Variants in KIF21A observed in about 807,000 individuals in gnomAD.
The protein encoded by KIF21A is kinesin family member 21A, also known as kinesin-like protein KIF21A.
A neutral mutation model predicts 202.9 loss-of-function variants in KIF21A; 114 were observed. The observed-to-expected ratio is 0.56, with a 90% CI of 0.48 to 0.66. KIF21A has a LOEUF of 0.66. Among genes scored for constraint, KIF21A ranks in the 30% least tolerant of loss-of-function variants. The pLI, the probability that KIF21A is intolerant of heterozygous loss-of-function variation, is 0.00. For synonymous variants in KIF21A, 667 were observed against 670.8 expected, an observed-to-expected ratio of 0.99 and a Z score of 0.09; for missense variants, 1,677 against 1,994.9, an observed-to-expected ratio of 0.84 and a Z score of 3.04.
chr12:39,407,686 G>C (rs958138276), intron 1 of KIF21A, among the ~76,000 whole-genome samples: 2 of 152,074 alleles, frequency 1.3e-5, no homozygotes, highest in Admixed American at 1.3e-4. Context: ...CAATCTCTTA[G>C]AAAGTCCTAG....
Position 39,387,061 on chromosome 12 carries a change from G to GA in KIF21A, c.45-16801dup, listed in dbSNP as rs111513789. Reference sequence around the variant, plus strand: ...TTTAAATCCAGAATTTTTAGCTGGGGAAAAAAAAAAAACTATCTTCAGCCA... The same window carrying GA: ...TTTAAATCCAGAATTTTTAGCTGGGGAAAAAAAAAAAAACTATCTTCAGCCA... On this transcript the variant is annotated intron_variant, in intron 1 of 37. Coordinates refer to ENST00000361418, the MANE Select transcript of KIF21A (RefSeq NM_001173464.2). Among the ~76,000 whole-genome samples the GA allele has an allele frequency of 6.5e-3, 908 of 139,256 alleles. 9 individuals carry two copies. The highest frequency in any genetic ancestry group is 0.017 in the African/African-American group (653 of 38,238). The allele number at this position is 139,256 out of a possible 152,430, so 91.4% of individuals were successfully genotyped here. A position where few individuals can be genotyped will look rare whatever the true frequency, so the allele number is the denominator to read the frequency against.
chr12:39,327,072 C>T (rs968936968), intron 24 of KIF21A, among the ~76,000 whole-genome samples: 1 of 151,008 alleles, frequency 6.6e-6, no homozygotes, highest in African/African-American at 2.4e-5. Context: ...CCAGCGAGCC[C>T]CTAACATAGG....
rs370661423 is a variant in KIF21A, at chr12:39,356,820, C to T, written c.1469+12G>A. 19 of 1,093,010 alleles carry T rather than the reference C, an allele frequency of 1.7e-5. No individual in the cohort carries two copies. The East Asian group carries it at 2.6e-4, about 15-fold the overall frequency. 67.7% of individuals were successfully genotyped at this position (1,093,010 alleles called of 1,614,324 possible). Reference sequence around the variant, plus strand: ...AACATGTGCATTATATGTTACAGAACATGAACTATACCTGAGATCTTCGAT... The same window carrying T: ...AACATGTGCATTATATGTTACAGAATATGAACTATACCTGAGATCTTCGAT... On this transcript the variant is annotated intron_variant, in intron 10 of 37. Coordinates refer to ENST00000361418, the MANE Select transcript of KIF21A (RefSeq NM_001173464.2).
At chr12:39,418,527 A>G (rs1953974852) in intron 1 of KIF21A, among the ~76,000 whole-genome samples, 1 of 152,230 alleles carries the variant, frequency 6.6e-6, no homozygotes. Flanking sequence ...ACCCGGGCAC[A>G]TAAACATCCG....
At chr12:39,400,524 T>G (rs976256105) in intron 1 of KIF21A, among the ~76,000 whole-genome samples, 14 of 151,932 alleles carry the variant, frequency 9.2e-5, no homozygotes, top group African/African-American at 3.1e-4. Flanking sequence ...CACTTATGAG[T>G]GAGAACATAA....
At chr12:39,356,969 G>A (rs879035671) in intron 9 of KIF21A, 74 bp from the exon 10 acceptor site, 16 of 780,974 alleles carry the variant, frequency 2.0e-5, no homozygotes, top group African/African-American at 1.2e-4. Context: ...AAAAAAAGTC[G>A]GGAAACAAAA....
At chr12:39,389,157 A>C (rs750923588) in intron 1 of KIF21A, among the ~76,000 whole-genome samples, 3 of 150,670 alleles carry the variant, frequency 2.0e-5, no homozygotes, top group Non-Finnish European at 4.4e-5. Flanking sequence ...TGGTTACTTA[A>C]TATTTATTCA....
At chr12:39,345,734 A>G (rs1947836238) in intron 12 of KIF21A, among the ~76,000 whole-genome samples, 1 of 151,962 alleles carries the variant, frequency 6.6e-6, no homozygotes, top group Non-Finnish European at 1.5e-5. Flanking sequence ...ATCTATGAAG[A>G]AAACTTCTGA....
At chr12:39,298,447 G>T (rs1318332873) in intron 37 of KIF21A, among the ~76,000 whole-genome samples, 1 of 152,094 alleles carries the variant, frequency 6.6e-6, no homozygotes, top group Non-Finnish European at 1.5e-5. Context: ...TTCATACAGG[G>T]CTATGAGATG....
chr12:39,296,351 G>A (rs1942369109), intron 37 of KIF21A, among the ~76,000 whole-genome samples: 1 of 152,022 alleles, frequency 6.6e-6, no homozygotes, highest in South Asian at 2.1e-4. Context: ...TTACAGGCAT[G>A]AGCCACCACG....
rs146061084 is a variant in KIF21A at position 39,295,537 on chromosome 12, A to G, written c.4932-1020T>C. Among the ~76,000 whole-genome samples, 52 of 152,228 alleles carry G rather than the reference A, an allele frequency of 3.4e-4. No homozygotes were observed. The East Asian group carries it at 7.2e-3, about 21-fold the overall frequency. The stretch of plus-strand genomic sequence containing the variant: ...CAGGCTTTCTAGATTGTAATCAGTT[A>G]TCTTCTCACCATCCCACACAGCACA... On this transcript the variant is annotated intron_variant, in intron 37 of 37. Transcript: ENST00000361418.
intron 24 of KIF21A, among the ~76,000 whole-genome samples, chr12:39,328,047 A>C (rs896072321): frequency 1.1e-4 from 17 of 152,162 alleles, no homozygotes; most frequent in African/African-American, 3.6e-4. Flanking sequence ...TATATTTAAA[A>C]ATTTAACATT....
In KIF21A at chr12:39,395,408, G is replaced by A. The variant is rs372692226; in HGVS notation, c.45-25147C>T. 2.3e-3 allele frequency among the ~76,000 whole-genome samples: 341 copies of A among 150,202 alleles called. 4 individuals carry two copies. The highest frequency in any genetic ancestry group is 8.0e-3 in the African/African-American group (328 of 41,072). ...CTTCTTCACCGCATTACTTCCGTTA[G>A]GCCAATCCTCATCTCCTAAGGTTAA... On this transcript the variant is annotated intron_variant, in intron 1 of 37. Coordinates refer to ENST00000361418, the MANE Select transcript of KIF21A (RefSeq NM_001173464.2).
intron 1 of KIF21A, among the ~76,000 whole-genome samples, chr12:39,371,194 G>A (rs11171891): frequency 0.29 from 44,813 of 152,056 alleles, 8,274 homozygotes; most frequent in African/African-American, 0.52. Flanking sequence ...AGTTGAATCT[G>A]TGGTTGTGGA....
In KIF21A at chr12:39,320,022, A is replaced by G. The variant is rs1945032069; in HGVS notation, c.3672-9T>C. On this transcript the variant is annotated splice_polypyrimidine_tract_variant and intron_variant, in intron 27 of 37. Coordinates refer to ENST00000361418, the MANE Select transcript of KIF21A (RefSeq NM_001173464.2). ...GAGATGACTGCCTGGAACTAAAGTA[A>G]AAGAAGATTCTTTAATTACCTAATT... The G allele has an allele frequency of 2.0e-6, 3 of 1,505,852 alleles. No homozygotes were observed. Among genetic ancestry groups the G allele is most frequent in the Middle Eastern group, 1.7e-4 (1 of 5,752 alleles). The allele number at this position is 1,505,852 out of a possible 1,614,324, so 93.3% of individuals were successfully genotyped here.
At chr12:39,317,693 T>C (rs1757471002) in intron 29 of KIF21A, among the ~76,000 whole-genome samples, 2 of 152,162 alleles carry the variant, frequency 1.3e-5, no homozygotes, top group Admixed American at 6.5e-5. Flanking sequence ...AGTAAAGTAA[T>C]TTGCCTCTTT....
At position 39,329,545 on chromosome 12, in the gene KIF21A, T is replaced by TA. The variant is rs753606246; in HGVS notation, c.3340+696dup. 4.2e-5 allele frequency among the ~76,000 whole-genome samples: 6 copies of TA among 144,090 alleles called. 1 individual carries two copies. Among genetic ancestry groups the TA allele is most frequent in the Admixed American group, 1.4e-4 (2 of 14,424 alleles). 94.5% of individuals were successfully genotyped at this position (144,090 alleles called of 152,430 possible). On this transcript the variant is annotated intron_variant, in intron 24 of 37. Transcript: ENST00000361418. The stretch of plus-strand genomic sequence containing the variant: ...AGGAACACAATAAATTAAAGTACAA[T>TA]AAAAAAAAGAAGAGGAAGAGGGAAA...
intron 34 of KIF21A, 90 bp from the exon 35 acceptor site, chr12:39,305,028 T>C: frequency 1.4e-6 from 1 of 722,634 alleles, no homozygotes; most frequent in Non-Finnish European, 2.5e-6. Flanking sequence ...CATTCTTTCA[T>C]AAAATAATTC....
intron 12 of KIF21A, among the ~76,000 whole-genome samples, chr12:39,342,391 C>T (rs1042311020): frequency 3.3e-5 from 5 of 152,094 alleles, no homozygotes; most frequent in Non-Finnish European, 7.4e-5. Context: ...CACGAGACCT[C>T]GACACCCCTA....
Sources: gnomAD v4.1 joint callset for allele counts (sites outside exome capture counted in the v4.1 genomes callset) on GRCh38, gnomAD v4.1.1 for gene constraint, MANE v1.5 for transcripts, NCBI Gene and HGNC (gene_info 2026-07-23, HGNC 2026-07-21) for gene names.